Variants in ARHGAP36 observed in about 807,000 individuals in gnomAD.
The protein encoded by ARHGAP36 is rho GTPase-activating protein 36.
In ARHGAP36, 7 loss-of-function variants were observed where a neutral mutation model predicts 32.9. The ratio of observed to expected loss-of-function variants is 0.21; its 90% CI spans 0.12 to 0.40. The LOEUF is 0.40. Ranked by LOEUF, ARHGAP36 falls within the 10% of genes least tolerant of loss-of-function variation. ARHGAP36 has a pLI of 1.00. For synonymous variants in ARHGAP36, 165 were observed against 168.3 expected (o/e 0.98, Z 0.15); for missense variants, 383 against 442.2 (o/e 0.87, Z 1.20).
chrX:131,072,183 G>A (rs2079736239), intron 1 of ARHGAP36, among the ~76,000 whole-genome samples: 1 of 111,559 alleles, frequency 9.0e-6, no homozygotes, highest in African/African-American at 3.3e-5. Context: ...GACTATAGTA[G>A]TGGGGGGCAG....
At chrX:131,078,853 T>C in intron 1 of ARHGAP36, 1 of 593,415 alleles carries the variant, frequency 1.7e-6, no homozygotes, top group Non-Finnish European at 2.4e-6. Context: ...AAACGGTTTA[T>C]TCTAAGGCCT....
intron 1 of ARHGAP36, among the ~76,000 whole-genome samples, chrX:131,074,071 G>A (rs1326605257): frequency 9.1e-6 from 1 of 109,769 alleles, no homozygotes; most frequent in African/African-American, 3.3e-5. Context: ...GGGGGTAGGA[G>A]TGGGGGAACA....
rs1334925847 is a variant in ARHGAP36 at position 131,081,825 on chromosome X, A to G, written c.160A>G (p.Ser54Gly). The G allele has an allele frequency of 2.5e-6, 3 of 1,210,452 alleles. No homozygotes were observed. Among genetic ancestry groups the G allele is most frequent in the Admixed American group, 4.4e-5 (2 of 45,882 alleles). ...CAGGACGAAGATGGTATCGATACAC[A>G]GCCTCTCTGAGCTGGAGCGTCTGAA... Reference protein sequence around the residue: ...DRRTKMVSIHSLSELERLKLQ... With the variant: ...DRRTKMVSIHGLSELERLKLQ... The change falls in exon 2 of 12, where the codon AGC (serine) becomes GGC (glycine). Residue 54 changes from serine (S) to glycine (G), a missense_variant. By Grantham distance (56) the Ser-to-Gly change is moderately conservative. Around this residue, in one of 2 missense-constraint regions of ARHGAP36, gnomAD observed 156 missense variants for 131.0 expected, o/e 1.19. Transcript: ENST00000276211.
intron 1 of ARHGAP36, among the ~76,000 whole-genome samples, chrX:131,070,755 T>A (rs191736697): frequency 1.8e-5 from 2 of 109,897 alleles, no homozygotes; most frequent in East Asian, 2.9e-4. Context: ...TCTCTCTATA[T>A]CATGCGGTCT....
At chrX:131,086,729 T>A in intron 11 of ARHGAP36, 64 bp downstream of exon 11, 1 of 1,010,321 alleles carries the variant, frequency 9.9e-7, no homozygotes, top group Non-Finnish European at 1.4e-6. Flanking sequence ...GGTCAGGCCC[T>A]TTTTGAAGGC....
chrX:131,074,866 G>A (rs1197358949), intron 1 of ARHGAP36, among the ~76,000 whole-genome samples: 1 of 111,915 alleles, frequency 8.9e-6, no homozygotes, highest in African/African-American at 3.3e-5. Flanking sequence ...CATTTTGTAG[G>A]CCAGTTAGCT....
At chrX:131,081,428 C>G in intron 1 of ARHGAP36, 96 bp from the exon 2 acceptor site, 14 of 669,834 alleles carry the variant, frequency 2.1e-5, no homozygotes, top group Non-Finnish European at 2.5e-5. Flanking sequence ...CTTATTTTCT[C>G]TCTTTGTACT....
rs781696181 is a variant in ARHGAP36, at chrX:131,086,128, A to G, written c.1281+39A>G. On this transcript the variant is annotated intron_variant, in intron 9 of 11. Transcript: ENST00000276211. ...TTGGATGCACTTGTTTTACACATCC[A>G]TCTCCTGTTCACAAGGCAAGGCACA... 64 of 1,192,415 alleles carry G rather than the reference A, an allele frequency of 5.4e-5. No individual in the cohort carries two copies. In the East Asian group the frequency reaches 1.5e-3, roughly 29 times the overall value.
rs1167252069 is a variant in ARHGAP36, at chrX:131,058,436, C to G, written c.-151C>G. ...TTCGCCTCGGCCTTTGAGCCCCGCC[C>G]CCGCCGTGGTGAGTGGGGCCCACCG... On this transcript the variant is annotated 5_prime_UTR_variant, in exon 1 of 12. Transcript: ENST00000276211. The G allele has an allele frequency of 9.3e-7, 1 of 1,077,559 alleles. No individual in the cohort carries two copies. Among genetic ancestry groups the G allele is most frequent in the South Asian group, 2.6e-5 (1 of 39,013 alleles). 88.8% of individuals were successfully genotyped at this position (1,077,559 alleles called of 1,213,427 possible). A position where few individuals can be genotyped will look rare whatever the true frequency, so the allele number is the denominator to read the frequency against.
intron 1 of ARHGAP36, among the ~76,000 whole-genome samples, chrX:131,067,493 G>C (rs1046797890): frequency 4.4e-5 from 5 of 112,942 alleles, no homozygotes; most frequent in African/African-American, 1.3e-4. Flanking sequence ...GAACCCCCAC[G>C]GTGAAGATCA....
chrX:131,062,483 T>C (rs1005718318), intron 1 of ARHGAP36, among the ~76,000 whole-genome samples: 38 of 111,564 alleles, frequency 3.4e-4, no homozygotes, highest in African/African-American at 1.1e-3. Flanking sequence ...CAGCCAACCA[T>C]GATCTTCCCA....
At chrX:131,066,300 ATGGG>A in intron 1 of ARHGAP36, among the ~76,000 whole-genome samples, 1 of 111,816 alleles carries the variant, frequency 8.9e-6, no homozygotes, top group Non-Finnish European at 1.9e-5. Flanking sequence ...TATTGTAAAA[ATGGG>A]TCTGGGGGAG....
At position 131,084,253 on chromosome X, in the gene ARHGAP36, C is replaced by G; in HGVS notation, c.594C>G (p.Asp198Glu). Residue 198 changes from aspartate to glutamate, a missense_variant, in exon 5 of 12, where the codon GAC becomes GAG. Coordinates refer to ENST00000276211, the MANE Select transcript of ARHGAP36 (RefSeq NM_144967.4). ...VSVDSLAELE[D>E]GALLLQTLQL... is the part of the protein sequence containing the mutation. ...TGGATAGTCTGGCTGAGCTGGAAGA[C>G]GGAGCCCTGCTGCTGCAGACCCTGC... 8.3e-7 allele frequency: 1 copy of G among 1,209,453 alleles called. No homozygotes were observed.
intron 1 of ARHGAP36, among the ~76,000 whole-genome samples, chrX:131,077,487 T>G (rs2079768826): frequency 9.0e-6 from 1 of 110,500 alleles, no homozygotes; most frequent in African/African-American, 3.3e-5. Flanking sequence ...ATGGAGTAAA[T>G]TAGTCCTCCA....
rs746745331 is a variant in ARHGAP36 at position 131,078,481 on chromosome X, A to G, written c.-142-3043A>G. ...GGTCTCTTCAGGCTAGTGCCATGGT[A>G]TACTGAAGGGGTAAGGGGAAAACAC... On this transcript the variant is annotated intron_variant, in intron 1 of 11. Coordinates refer to ENST00000276211, the MANE Select transcript of ARHGAP36 (RefSeq NM_144967.4). Among the ~76,000 whole-genome samples, 3 of 112,542 alleles carry G rather than the reference A, an allele frequency of 2.7e-5. No homozygotes were observed. In the South Asian group the frequency reaches 1.1e-3, roughly 41 times the overall value.
intron 1 of ARHGAP36, among the ~76,000 whole-genome samples, chrX:131,060,437 G>GCACCACATACTTTCCACACA (rs2079662812): frequency 1.8e-5 from 2 of 111,565 alleles, no homozygotes; most frequent in Non-Finnish European, 3.8e-5. Flanking sequence ...CGCTTCACAT[G>GCACCACATACTTTCCACACA]CACCACATAC....
chrX:131,063,812 G>C (rs1370284226), intron 1 of ARHGAP36, among the ~76,000 whole-genome samples: 1 of 109,167 alleles, frequency 9.2e-6, no homozygotes, highest in Non-Finnish European at 1.9e-5. Context: ...TGTCTCTAGA[G>C]GGAGGCAAAA....
chrX:131,083,736 G>A lies in ARHGAP36; in HGVS notation c.322G>A (p.Val108Ile). The A allele has an allele frequency of 8.3e-7, 1 of 1,210,084 alleles. No homozygotes were observed. Among genetic ancestry groups the A allele is most frequent in the Non-Finnish European group, 1.1e-6 (1 of 894,050 alleles). ...FLILRGQQRAVSHKTFGISLE... is the reference protein window; with the variant it reads ...FLILRGQQRAISHKTFGISLE... ...TTCTTTCTCTCGTGGCTCCCCAGCT[G>A]TATCACACAAGACATTTGGCATTAG... Residue 108 changes from valine to isoleucine, a missense_variant and splice_region_variant, in exon 4 of 12, where the codon GTA becomes ATA. Coordinates refer to ENST00000276211, the MANE Select transcript of ARHGAP36 (RefSeq NM_144967.4).
chrX:131,058,518 G>T, intron 1 of ARHGAP36, 74 bp downstream of exon 1: 2 of 905,597 alleles, frequency 2.2e-6, no homozygotes, highest in Non-Finnish European at 2.8e-6. Context: ...CCCCCTCTGG[G>T]CGCCCTGGGG....
Sources: gnomAD v4.1 joint callset for allele counts (sites outside exome capture counted in the v4.1 genomes callset) on GRCh38, gnomAD v4.1.1 for gene constraint, gnomAD v4.1.1 regional missense constraint, MANE v1.5 for transcripts, NCBI Gene and HGNC (gene_info 2026-07-23, HGNC 2026-07-21) for gene names.